EPHA6: variants seen among roughly 807,000 people sequenced by gnomAD.
The protein encoded by EPHA6 is ephrin type-A receptor 6.
A neutral mutation model predicts 112.0 loss-of-function variants in EPHA6; 50 were observed. The ratio of observed to expected loss-of-function variants is 0.45; its 90% CI spans 0.36 to 0.56. The LOEUF (loss-of-function observed/expected upper bound fraction) is 0.56, where lower values mean the gene tolerates loss of function less well. EPHA6 is among the 20% of genes least tolerant of loss of function. EPHA6 has a pLI of 0.00. For missense variants in EPHA6, 1,280 were observed against 1,417.4 expected (o/e 0.90, Z 1.56); for synonymous variants, 529 against 490.7 (o/e 1.08, Z -1.03).
intron 3 of EPHA6, among the ~76,000 whole-genome samples, chr3:97,031,696 T>C (rs2044852117): frequency 6.6e-6 from 1 of 151,788 alleles, no homozygotes; most frequent in Non-Finnish European, 1.5e-5. Flanking sequence ...GCATGAAAAA[T>C]TGCTCATCAT....
intron 4 of EPHA6, among the ~76,000 whole-genome samples, chr3:97,234,790 T>C (rs138623344): frequency 6.6e-6 from 1 of 152,260 alleles, no homozygotes; most frequent in African/African-American, 2.4e-5. Context: ...ATTTCAAATG[T>C]CACCTGTAGA....
At chr3:97,231,571 C>T (rs2078525752) in intron 4 of EPHA6, among the ~76,000 whole-genome samples, 1 of 152,128 alleles carries the variant, frequency 6.6e-6, no homozygotes, top group Non-Finnish European at 1.5e-5. Flanking sequence ...TTTATATACC[C>T]TCTTTGTAGG....
chr3:97,736,101 G>T lies in EPHA6; in HGVS notation c.3111G>T (p.Leu1037=). ...GAAATCCCAGTGCCCTTCACACCCTGGTGGAGGACATCCTTGTGTAAGAGG... is the reference window on the plus strand; with the variant it reads ...GAAATCCCAGTGCCCTTCACACCCTTGTGGAGGACATCCTTGTGTAAGAGG... The part of the protein sequence containing the change: ...LIRNPSALHT[L]VEDILVMPES... The change falls in exon 16 of 18, where the codon CTG becomes CTT. Residue 1037 remains leucine (L), a synonymous_variant. Coordinates refer to ENST00000389672, the MANE Select transcript of EPHA6 (RefSeq NM_001080448.3). 1 of 1,611,438 alleles carries T rather than the reference G, an allele frequency of 6.2e-7. No individual in the cohort carries two copies. The highest frequency in any genetic ancestry group is 8.5e-7 in the Non-Finnish European group (1 of 1,178,494).
intron 5 of EPHA6, among the ~76,000 whole-genome samples, chr3:97,255,760 A>C (rs561263126): frequency 1.3e-5 from 2 of 152,154 alleles, no homozygotes; most frequent in African/African-American, 4.8e-5. Context: ...GTAGCAGTTT[A>C]TGTTAAAATC....
intron 14 of EPHA6, among the ~76,000 whole-genome samples, chr3:97,656,309 T>A (rs2094137555): frequency 6.6e-6 from 1 of 151,916 alleles, no homozygotes; most frequent in South Asian, 2.1e-4. Context: ...AGGAAATAAA[T>A]ATTACTACTA....
Position 97,564,519 on chromosome 3 carries a change from T to C in EPHA6, c.2387-28093T>C, listed in dbSNP as rs138378740. 4.2e-3 allele frequency among the ~76,000 whole-genome samples: 645 copies of C among 152,256 alleles called. 3 individuals are homozygous for C. The highest frequency in any genetic ancestry group is 0.013 in the African/African-American group (536 of 41,570). ...TTGACAAAATACACATTTTAGATGC[T>C]AAATTAAAGGGTCAACTTTATTAAG... On this transcript the variant is annotated intron_variant, in intron 11 of 17. Transcript: ENST00000389672.
At chr3:97,606,837 G>T (rs1022753619) in intron 12 of EPHA6, among the ~76,000 whole-genome samples, 1 of 151,068 alleles carries the variant, frequency 6.6e-6, no homozygotes, top group Non-Finnish European at 1.5e-5. Context: ...AACATGGAAG[G>T]TAGAAATAGA....
chr3:97,611,758 A>G (rs1489837197), intron 13 of EPHA6, among the ~76,000 whole-genome samples: 2 of 151,486 alleles, frequency 1.3e-5, no homozygotes, highest in Non-Finnish European at 3.0e-5. Flanking sequence ...ATGTTACATT[A>G]TTTTTCTTCT....
intron 11 of EPHA6, among the ~76,000 whole-genome samples, chr3:97,558,151 G>T (rs1000086592): frequency 1.3e-5 from 2 of 151,922 alleles, no homozygotes; most frequent in Non-Finnish European, 2.9e-5. Context: ...TGAAACATAG[G>T]CATGGGTAGA....
intron 10 of EPHA6, among the ~76,000 whole-genome samples, chr3:97,505,588 T>C (rs1009346387): frequency 5.3e-5 from 8 of 152,202 alleles, no homozygotes; most frequent in Non-Finnish European, 8.8e-5. Context: ...CAGTCTGTCA[T>C]TGATGGGCAT....
chr3:96,956,013 C>T (rs939427534), intron 2 of EPHA6, among the ~76,000 whole-genome samples: 8 of 151,986 alleles, frequency 5.3e-5, no homozygotes, highest in East Asian at 1.9e-4. Context: ...ATATTCAGTA[C>T]GAAATGGAAT....
intron 11 of EPHA6, among the ~76,000 whole-genome samples, chr3:97,540,843 A>C (rs2092838872): frequency 6.6e-6 from 1 of 152,210 alleles, no homozygotes; most frequent in Non-Finnish European, 1.5e-5. Flanking sequence ...CAAAGAATAA[A>C]AAATCTCTCC....
At chr3:97,726,896 A>G (rs6793188) in intron 15 of EPHA6, among the ~76,000 whole-genome samples, 149,265 of 152,126 alleles carry the variant, frequency 0.98, 73,251 homozygotes, top group East Asian at 0.99. Context: ...GCTCATATGT[A>G]GGGAAAAAAG....
chr3:97,405,315 T>C (rs770012656), intron 6 of EPHA6, 41 bp downstream of exon 6: 24 of 1,511,736 alleles, frequency 1.6e-5, no homozygotes, highest in Admixed American at 3.6e-5. Context: ...TACATATATA[T>C]GCATATATAT....
intron 5 of EPHA6, among the ~76,000 whole-genome samples, chr3:97,293,721 C>A (rs2080777576): frequency 6.6e-6 from 1 of 152,210 alleles, no homozygotes; most frequent in Non-Finnish European, 1.5e-5. Flanking sequence ...GCCCAGGCCC[C>A]AGGCTTCAGG....
intron 10 of EPHA6, among the ~76,000 whole-genome samples, chr3:97,512,192 C>T (rs139194241): frequency 0.02 from 3,087 of 152,080 alleles, 48 homozygotes; most frequent in Non-Finnish European, 0.032. Flanking sequence ...CTGTTATGGT[C>T]CTTGGAGAAT....
intron 5 of EPHA6, among the ~76,000 whole-genome samples, chr3:97,325,002 T>C (rs1022532365): frequency 6.6e-6 from 1 of 152,136 alleles, no homozygotes; most frequent in African/African-American, 2.4e-5. Flanking sequence ...CATCCCATTC[T>C]GAACAGTGTT....
chr3:96,862,774 A>C (rs1012131175), intron 1 of EPHA6, among the ~76,000 whole-genome samples: 17 of 151,988 alleles, frequency 1.1e-4, no homozygotes, highest in African/African-American at 3.9e-4. Flanking sequence ...GCAAGAAGTT[A>C]ATATTTAGCT....
chr3:96,828,671 A>C (rs978954590), intron 1 of EPHA6, among the ~76,000 whole-genome samples: 1 of 152,148 alleles, frequency 6.6e-6, no homozygotes, highest in South Asian at 2.1e-4. Context: ...CAAAAGTGAA[A>C]GAGATAGGCT....
Sources: gnomAD v4.1 joint callset for allele counts (sites outside exome capture counted in the v4.1 genomes callset) on GRCh38, gnomAD v4.1.1 for gene constraint, MANE v1.5 for transcripts, NCBI Gene and HGNC (gene_info 2026-07-23, HGNC 2026-07-21) for gene names.